CADPS: variants seen among roughly 807,000 people sequenced by gnomAD.
CADPS encodes the protein calcium dependent secretion activator.
A neutral mutation model predicts 167.3 loss-of-function variants in CADPS; 57 were observed. The ratio of observed to expected loss-of-function variants is 0.34; its 90% CI spans 0.28 to 0.42. The LOEUF is 0.42. CADPS is among the 20% of genes least tolerant of loss of function. The pLI, the probability that CADPS is intolerant of heterozygous loss-of-function variation, is 1.00. For missense variants in CADPS, 1,414 were observed against 1,738.1 expected, an observed-to-expected ratio of 0.81 and a Z score of 3.32; for synonymous variants, 676 against 635.3, an observed-to-expected ratio of 1.06 and a Z score of -0.96.
intron 8 of CADPS, among the ~76,000 whole-genome samples, chr3:62,583,819 T>C (rs1303017294): frequency 2.1e-4 from 32 of 151,934 alleles, no homozygotes; most frequent in Non-Finnish European, 4.4e-5. Flanking sequence ...ATGGCTAGGC[T>C]CCTGTTCTTT....
chr3:62,478,496 G>A lies in CADPS; in HGVS notation c.3174-80C>T, dbSNP rs1229586774. 3.7e-6 allele frequency: 5 copies of A among 1,363,888 alleles called. No individual in the cohort carries two copies. The highest frequency in any genetic ancestry group is 5.1e-6 in the Non-Finnish European group (5 of 988,968). The allele number at this position is 1,363,888 out of a possible 1,614,324, so 84.5% of individuals were successfully genotyped here. ...AAAACTAACACAGAGACAACTGGGG[G>A]CTAGAAGGCAAACAGCAGCTTCAAC... On this transcript the variant is annotated intron_variant, in intron 22 of 29. Transcript: ENST00000383710. This position sits in a 1 kb window ranked among gnomAD's most constrained non-coding sequence, Gnocchi z 5.7.
rs528256859 is a variant in CADPS at position 62,593,810 on chromosome 3, A to G, written c.1326-1062T>C. 1.5e-3 allele frequency among the ~76,000 whole-genome samples: 234 copies of G among 152,344 alleles called. 1 individual carries two copies. The Middle Eastern group carries it at 0.02, about 13-fold the overall frequency. Reference sequence around the variant, plus strand: ...GGTATTAACCTCTCTTTAGCATACTATTTAATTTTGCATCTTAGCAATCAC... The same window carrying G: ...GGTATTAACCTCTCTTTAGCATACTGTTTAATTTTGCATCTTAGCAATCAC... On this transcript the variant is annotated intron_variant, in intron 6 of 29. Coordinates refer to ENST00000383710, the MANE Select transcript of CADPS (RefSeq NM_003716.4).
intron 4 of CADPS, among the ~76,000 whole-genome samples, chr3:62,651,380 G>T (rs1436040660): frequency 2.6e-5 from 4 of 152,216 alleles, no homozygotes; most frequent in African/African-American, 9.6e-5. Context: ...TTGATTTGTA[G>T]GAAGAAAAAT....
chr3:62,685,102 T>C (rs1185478117), intron 3 of CADPS, among the ~76,000 whole-genome samples: 2 of 152,038 alleles, frequency 1.3e-5, no homozygotes, highest in Non-Finnish European at 2.9e-5. Context: ...GATTCACCCA[T>C]TTGATAACTT....
chr3:62,494,886 C>T (rs2064415600), intron 18 of CADPS, among the ~76,000 whole-genome samples: 1 of 151,944 alleles, frequency 6.6e-6, no homozygotes, highest in South Asian at 2.1e-4. Flanking sequence ...TGGTCTCAAA[C>T]TCCTGGCCTC....
At chr3:62,670,092 T>G (rs773271180) in intron 3 of CADPS, among the ~76,000 whole-genome samples, 1 of 152,186 alleles carries the variant, frequency 6.6e-6, no homozygotes, top group Non-Finnish European at 1.5e-5. Context: ...ATTCACTGTA[T>G]GATCAGGGCC....
Position 62,545,977 on chromosome 3 carries a change from T to C in CADPS, c.1966+3926A>G, listed in dbSNP as rs938105. ...GAGTTAAGTCACTGAAAGATTGTTGTTCTTAAAAATTATTCACTAGCAAGA... is the reference window on the plus strand; with the variant it reads ...GAGTTAAGTCACTGAAAGATTGTTGCTCTTAAAAATTATTCACTAGCAAGA... On this transcript the variant is annotated intron_variant, in intron 11 of 29. Transcript: ENST00000383710. Among the ~76,000 whole-genome samples, 1,157 of 152,302 alleles carry C rather than the reference T, an allele frequency of 7.6e-3. 13 individuals carry two copies. The highest frequency in any genetic ancestry group is 9.8e-3 in the Non-Finnish European group (667 of 67,994).
intron 1 of CADPS, among the ~76,000 whole-genome samples, chr3:62,806,846 C>G (rs114657563): frequency 0.01 from 1,587 of 152,256 alleles, 12 homozygotes; most frequent in Non-Finnish European, 0.016. Flanking sequence ...TCAAATGACA[C>G]TAATTTAGAA....
At chr3:62,489,253 T>C (rs1269718895) in intron 21 of CADPS, among the ~76,000 whole-genome samples, 6 of 152,086 alleles carry the variant, frequency 3.9e-5, no homozygotes, top group African/African-American at 1.2e-4. Flanking sequence ...CTCCACCTCC[T>C]GGGTTCACAC....
chr3:62,492,847 A>T (rs1286379682), intron 19 of CADPS, among the ~76,000 whole-genome samples: 4 of 152,170 alleles, frequency 2.6e-5, no homozygotes, highest in African/African-American at 9.7e-5. Flanking sequence ...TGCTGGTCTA[A>T]CTTGAAAATT....
chr3:62,472,793 G>A (rs913971292), intron 24 of CADPS, among the ~76,000 whole-genome samples: 15 of 152,198 alleles, frequency 9.9e-5, no homozygotes, highest in Admixed American at 2.0e-4. Context: ...GCTCAGCCAG[G>A]GGAAGAATCT....
chr3:62,428,953 C>A (rs1560253874), intron 28 of CADPS, among the ~76,000 whole-genome samples: 1 of 152,166 alleles, frequency 6.6e-6, no homozygotes, highest in Non-Finnish European at 1.5e-5. Flanking sequence ...CTCAAAATGT[C>A]AGTGGTGCCA....
chr3:62,843,119 G>T (rs763698077), intron 1 of CADPS, among the ~76,000 whole-genome samples: 1 of 151,808 alleles, frequency 6.6e-6, no homozygotes, highest in Non-Finnish European at 1.5e-5. Flanking sequence ...TTTTTTTCCT[G>T]ACCTGTGAAA....
chr3:62,623,916 C>T (rs2063574701), intron 6 of CADPS, among the ~76,000 whole-genome samples: 1 of 151,308 alleles, frequency 6.6e-6, no homozygotes, highest in Non-Finnish European at 1.5e-5. Context: ...TCCCTGGGGA[C>T]ATTTGAGAGT....
At chr3:62,873,794 T>A (rs369201819) in intron 1 of CADPS, among the ~76,000 whole-genome samples, 2 of 151,830 alleles carry the variant, frequency 1.3e-5, no homozygotes, top group East Asian at 3.9e-4. Context: ...GGCGGCGAAG[T>A]CACCTTGGGA....
intron 12 of CADPS, among the ~76,000 whole-genome samples, chr3:62,535,236 CTT>C (rs543859147): frequency 7.9e-5 from 11 of 139,178 alleles, no homozygotes; most frequent in African/African-American, 7.8e-5. Flanking sequence ...TTTTCTTTTT[CTT>C]TTTTTTTTTT....
chr3:62,460,163 G>A (rs2059160371), intron 26 of CADPS, among the ~76,000 whole-genome samples: 2 of 152,244 alleles, frequency 1.3e-5, no homozygotes, highest in South Asian at 4.2e-4. Context: ...ATAAAATGGG[G>A]ATGCTAATTA....
At chr3:62,400,833 T>C (rs568882990) in intron 29 of CADPS, among the ~76,000 whole-genome samples, 94 of 152,040 alleles carry the variant, frequency 6.2e-4, no homozygotes, top group Non-Finnish European at 1.1e-3. Flanking sequence ...CTCCTGACCT[T>C]GTGATCCACC....
chr3:62,580,260 A>G (rs833647), intron 8 of CADPS, among the ~76,000 whole-genome samples: 85,151 of 152,044 alleles, frequency 0.56, 26,871 homozygotes, highest in East Asian at 0.73. Context: ...GCAGCCATAA[A>G]AAAGGATGAG....
Sources: allele counts gnomAD v4.1 joint callset (sites outside exome capture counted in the v4.1 genomes callset), GRCh38; gene constraint gnomAD v4.1.1; non-coding constraint Gnocchi (gnomAD v3.1); transcripts MANE v1.5; gene names NCBI Gene and HGNC (gene_info 2026-07-23, HGNC 2026-07-21).